The following DNAH17 variants were observed in gnomAD, a reference collection of about 807,000 sequenced individuals.
DNAH17 encodes the protein axonemal beta dynein heavy chain 17.
A neutral mutation model predicts 485.6 loss-of-function variants in DNAH17; 376 were observed. That is an observed-to-expected ratio of 0.77 (90% confidence interval 0.71 to 0.84). The LOEUF (loss-of-function observed/expected upper bound fraction) is 0.84, where lower values mean the gene tolerates loss of function less well. Ranked by LOEUF, DNAH17 falls within the 40% of genes least tolerant of loss-of-function variation. The pLI is 0.00. For missense variants in DNAH17, 6,370 were observed against 5,839.3 expected (o/e 1.09, Z -2.96); for synonymous variants, 3,031 against 2,405.9 (o/e 1.26, Z -7.60).
intron 14 of DNAH17, among the ~76,000 whole-genome samples, chr17:78,553,421 C>A (rs1470813784): frequency 1.3e-5 from 2 of 150,966 alleles, no homozygotes; most frequent in East Asian, 3.9e-4. Flanking sequence ...CCTGCCTCAG[C>A]CTCCCCAGTA....
rs1386182614 is a variant in DNAH17, at chr17:78,494,596, T to G, written c.6267A>C (p.Glu2089Asp). Residue 2089 changes from glutamate to aspartate, a missense_variant, in exon 40 of 81, where the codon GAA becomes GAC. Coordinates refer to ENST00000389840, the MANE Select transcript of DNAH17 (RefSeq NM_173628.4). Reference sequence around the variant, plus strand: ...CCTGAGACCCAGGAGTCCCGACCTTTTCAAAATTCAGGTCCCGTTTCCGAG... The same window carrying G: ...CCTGAGACCCAGGAGTCCCGACCTTGTCAAAATTCAGGTCCCGTTTCCGAG... ...DVPRKRDLNF[E>D]KIIKQSIVEL... 3 of 1,613,532 alleles carry G rather than the reference T, an allele frequency of 1.9e-6. No individual in the cohort carries two copies. In the South Asian group the frequency reaches 3.3e-5, roughly 18 times the overall value.
chr17:78,519,357 G>A (rs980686507), intron 25 of DNAH17, among the ~76,000 whole-genome samples: 19 of 151,974 alleles, frequency 1.3e-4, no homozygotes, highest in Non-Finnish European at 2.8e-4. Context: ...AAAGAGAAAA[G>A]GTCTCAAATC....
At chr17:78,455,116 G>C (rs975328346) in intron 63 of DNAH17, among the ~76,000 whole-genome samples, 2 of 152,106 alleles carry the variant, frequency 1.3e-5, no homozygotes, top group Admixed American at 6.6e-5. Context: ...CACCATGTTG[G>C]CCAGGTTGGT....
In DNAH17 at chr17:78,443,504, C is replaced by T. The variant is rs1310512312; in HGVS notation, c.11528+1100G>A. Among the ~76,000 whole-genome samples the T allele has an allele frequency of 8.5e-5, 13 of 152,166 alleles. No individual in the cohort carries two copies. The East Asian group carries it at 2.1e-3, about 25-fold the overall frequency. On this transcript the variant is annotated intron_variant, in intron 71 of 80. Coordinates refer to ENST00000389840, the MANE Select transcript of DNAH17 (RefSeq NM_173628.4). ...GAGGAAAACAAGGCAAAACTAAACT[C>T]AGTCCTGGGAGTTAGGCCTCTGCTT...
Position 78,574,776 on chromosome 17 carries a change from G to T in DNAH17, c.282C>A (p.Ala94=). The change falls in exon 2 of 81, where the codon GCC becomes GCA. Residue 94 remains alanine, a synonymous_variant. Transcript: ENST00000389840. The stretch of plus-strand genomic sequence containing the variant: ...GGCTGATGTCGCCGTAAAGGAGCCG[G>T]GCCCTGTAGTTGTCCTTGTTGATGT... ...SENINKDNYR[A]RLLYGDISPT... 6.2e-7 allele frequency: 1 copy of T among 1,613,924 alleles called. No individual in the cohort carries two copies. Among genetic ancestry groups the T allele is most frequent in the South Asian group, 1.1e-5 (1 of 91,060 alleles).
chr17:78,461,836 G>C (rs1364371977), intron 57 of DNAH17, 128 bp from the exon 58 acceptor site: 2 of 810,556 alleles, frequency 2.5e-6, no homozygotes, highest in Non-Finnish European at 3.7e-6. Context: ...ACGACTCCCA[G>C]TGACTCGTTT....
intron 16 of DNAH17, among the ~76,000 whole-genome samples, chr17:78,549,676 CAGAG>C (rs896798578): frequency 3.8e-4 from 58 of 152,314 alleles, no homozygotes; most frequent in African/African-American, 1.2e-3. Context: ...GTCTCAGAGA[CAGAG>C]AGAAAGTGCT....
chr17:78,492,427 C>T (rs2089901816), intron 42 of DNAH17, among the ~76,000 whole-genome samples: 1 of 152,170 alleles, frequency 6.6e-6, no homozygotes, highest in South Asian at 2.1e-4. Flanking sequence ...CCTGTGGCCC[C>T]CATTCCTTAT....
rs149116196 is a variant in DNAH17 at position 78,539,015 on chromosome 17, G to A, written c.2676+722C>T. 1.3e-3 allele frequency among the ~76,000 whole-genome samples: 205 copies of A among 152,260 alleles called. 1 individual carries two copies. The highest frequency in any genetic ancestry group is 4.5e-3 in the African/African-American group (188 of 41,556). Reference sequence around the variant, plus strand: ...TGGGAGGCCGAGGTTGGTCGATCATGAGGTCAGGAATTCAAGACCAGCCTG... The same window carrying A: ...TGGGAGGCCGAGGTTGGTCGATCATAAGGTCAGGAATTCAAGACCAGCCTG... On this transcript the variant is annotated intron_variant, in intron 18 of 80. Coordinates refer to ENST00000389840, the MANE Select transcript of DNAH17 (RefSeq NM_173628.4).
At chr17:78,481,509 TC>T (rs1230136727) in intron 48 of DNAH17, among the ~76,000 whole-genome samples, 1 of 152,170 alleles carries the variant, frequency 6.6e-6, no homozygotes, top group African/African-American at 2.4e-5. Flanking sequence ...GGGTTTATGT[TC>T]CAGCTCTTCC....
At chr17:78,429,381 G>C in intron 75 of DNAH17, 81 bp from the exon 76 acceptor site, 1 of 1,472,552 alleles carries the variant, frequency 6.8e-7, no homozygotes, top group Non-Finnish European at 9.2e-7. Context: ...CAGGCAGGCA[G>C]GGCGTGGGAA....
chr17:78,473,543 C>CAAAAA (rs758795883), intron 54 of DNAH17, among the ~76,000 whole-genome samples: 239 of 54,198 alleles, frequency 4.4e-3, no homozygotes, highest in Non-Finnish European at 6.1e-3. Context: ...GACTCTGTCT[C>CAAAAA]AAAAAAAAAA....
At chr17:78,521,855 C>T (rs970649411) in intron 25 of DNAH17, among the ~76,000 whole-genome samples, 2 of 151,954 alleles carry the variant, frequency 1.3e-5, no homozygotes, top group Non-Finnish European at 2.9e-5. Context: ...AGTGTGGTGG[C>T]GTGCGCCTGT....
Position 78,426,972 on chromosome 17 carries a change from G to A in DNAH17, c.12725C>T (p.Thr4242Ile). 6.2e-7 allele frequency: 1 copy of A among 1,610,900 alleles called. No homozygotes were observed. The highest frequency in any genetic ancestry group is 8.5e-7 in the Non-Finnish European group (1 of 1,178,614). Residue 4242 changes from threonine to isoleucine, a missense_variant, in exon 78 of 81, where the codon ACC (threonine) becomes ATC (isoleucine). By Grantham distance (89) the Thr-to-Ile change is moderately conservative (BLOSUM62 -1). Coordinates refer to ENST00000389840, the MANE Select transcript of DNAH17 (RefSeq NM_173628.4). ...CTTGAGCGAACGGCGCATTTCGTTG[G>A]TCAGGATGTTCATTCTTTCACATTC... Reference protein sequence around the residue: ...FQECERMNILTNEMRRSLKEL... With the variant: ...FQECERMNILINEMRRSLKEL...
chr17:78,569,194 G>A lies in DNAH17; in HGVS notation c.1256C>T (p.Ser419Phe). Residue 419 changes from serine (S) to phenylalanine (F), a missense_variant, in exon 9 of 81, where the codon TCC (serine) becomes TTC (phenylalanine). By Grantham distance (155) the Ser-to-Phe change is radical. Coordinates refer to ENST00000389840, the MANE Select transcript of DNAH17 (RefSeq NM_173628.4). Reference sequence around the variant, plus strand: ...AATGGTCTGGATGCGCTGGAAGAAGGAATTTATCCTGGAAAAGGCAAGAGA... The same window carrying A: ...AATGGTCTGGATGCGCTGGAAGAAGAAATTTATCCTGGAAAAGGCAAGAGA... ...PSSLAFSRINSFFQRIQTIEE... is the reference protein window; with the variant it reads ...PSSLAFSRINFFFQRIQTIEE... The A allele has an allele frequency of 6.2e-7, 1 of 1,607,874 alleles. No homozygotes were observed. Among genetic ancestry groups the A allele is most frequent in the Non-Finnish European group, 8.5e-7 (1 of 1,177,168 alleles).
intron 44 of DNAH17, among the ~76,000 whole-genome samples, chr17:78,489,788 G>C (rs559840432): frequency 1.4e-5 from 2 of 139,708 alleles, no homozygotes; most frequent in South Asian, 2.6e-4. Context: ...TCCTGGGGTT[G>C]GACACACATG....
chr17:78,532,712 G>A lies in DNAH17; in HGVS notation c.2884C>T (p.Leu962Phe), dbSNP rs1339458598. The change falls in exon 20 of 81, where the codon CTC becomes TTC. Residue 962 changes from leucine (L) to phenylalanine (F), a missense_variant. By Grantham distance (22) the Leu-to-Phe change is conservative (BLOSUM62 0). Coordinates refer to ENST00000389840, the MANE Select transcript of DNAH17 (RefSeq NM_173628.4). ...YKMDLEDNTD[L>F]IEMREEVSSL... ...GACACCTCCTCCCTCATCTCTATGAGGTCTGTGTTATCTTCCAGGTCCATC... is the reference window on the plus strand; with the variant it reads ...GACACCTCCTCCCTCATCTCTATGAAGTCTGTGTTATCTTCCAGGTCCATC... 6.3e-7 allele frequency: 1 copy of A among 1,592,620 alleles called. No individual in the cohort carries two copies. The highest frequency in any genetic ancestry group is 1.3e-5 in the African/African-American group (1 of 74,538).
intron 65 of DNAH17, 103 bp downstream of exon 65, chr17:78,453,240 G>A (rs1250446745): frequency 6.8e-7 from 1 of 1,479,872 alleles, no homozygotes; most frequent in Admixed American, 2.1e-5. Context: ...TGCTTACCAG[G>A]GAAGCAAAGG....
At position 78,429,170 on chromosome 17, in the gene DNAH17, T is replaced by A. The variant is rs768533067; in HGVS notation, c.12356A>T (p.Asp4119Val). 2 of 1,613,640 alleles carry A rather than the reference T, an allele frequency of 1.2e-6. No homozygotes were observed. The highest frequency in any genetic ancestry group is 2.2e-5 in the East Asian group (1 of 44,866). Residue 4119 changes from aspartate (D) to valine (V), a missense_variant, in exon 76 of 81, where the codon GAC becomes GTC. By Grantham distance (152) the Asp-to-Val change is radical (BLOSUM62 -3). Transcript: ENST00000389840. ...EYIRTEMLEG[D>V]VLLAPGFQIP... ...CTGAAAGCCGGGGGCCAGCAGGACG[T>A]CTCCCTCCAGCATCTCCGTCCGGAT...
Sources: allele counts gnomAD v4.1 joint callset (sites outside exome capture counted in the v4.1 genomes callset), GRCh38; gene constraint gnomAD v4.1.1; transcripts MANE v1.5; gene names NCBI Gene and HGNC (gene_info 2026-07-23, HGNC 2026-07-21).